COL4A4: variants seen among roughly 807,000 people sequenced by gnomAD.
The protein encoded by COL4A4 is collagen alpha-4(IV) chain.
COL4A4 carries 105 observed loss-of-function variants against 192.9 expected under a neutral mutation model. The observed-to-expected ratio is 0.54, with a 90% confidence interval of 0.46 to 0.64. The LOEUF (loss-of-function observed/expected upper bound fraction) is 0.64, where lower values mean the gene tolerates loss of function less well. Ranked by LOEUF, COL4A4 falls within the 30% of genes least tolerant of loss-of-function variation. The pLI is 0.00. For synonymous variants in COL4A4, 762 were observed against 769.9 expected, an observed-to-expected ratio of 0.99 and a Z score of 0.17; for missense variants, 1,967 against 2,169.3, an observed-to-expected ratio of 0.91 and a Z score of 1.85.
chr2:227,159,398 G>A (rs927910013), intron 1 of COL4A4, among the ~76,000 whole-genome samples: 2 of 152,188 alleles, frequency 1.3e-5, no homozygotes, highest in African/African-American at 2.4e-5. Flanking sequence ...GATGGGCAGT[G>A]GTGGTTTCAT....
chr2:227,105,999 T>C (rs150427975), intron 12 of COL4A4, among the ~76,000 whole-genome samples: 4 of 151,346 alleles, frequency 2.6e-5, no homozygotes, highest in African/African-American at 9.7e-5. Flanking sequence ...CTAAAACTAC[T>C]AATGCTTTTG....
intron 42 of COL4A4, among the ~76,000 whole-genome samples, chr2:227,026,875 G>A (rs560524279): frequency 1.3e-5 from 2 of 152,258 alleles, no homozygotes; most frequent in South Asian, 4.1e-4. Flanking sequence ...TTCAGGGATC[G>A]GAATTGAATA....
intron 31 of COL4A4, 75 bp from the exon 32 acceptor site, chr2:227,052,487 C>T: frequency 3.3e-6 from 3 of 910,626 alleles, no homozygotes; most frequent in Middle Eastern, 2.2e-4. Flanking sequence ...CTACATTTCA[C>T]TCCCAAATCG....
rs1030283291 is a variant in COL4A4, at chr2:227,041,918, G to GAA, written c.3505+228_3505+229dup. On this transcript the variant is annotated intron_variant, in intron 37 of 47. Coordinates refer to ENST00000396625, the MANE Select transcript of COL4A4 (RefSeq NM_000092.5). Reference sequence around the variant, plus strand: ...AGAAAGAAAGAAAGAAAGAAAGAAAGAAAGAAAATGGTAGCACTACCATTC... The same window carrying GAA: ...AGAAAGAAAGAAAGAAAGAAAGAAAGAAAAAGAAAATGGTAGCACTACCATTC... 3.9e-4 allele frequency among the ~76,000 whole-genome samples: 58 copies of GAA among 150,222 alleles called. 1 individual carries two copies. Among genetic ancestry groups the GAA allele is most frequent in the East Asian group, 1.9e-4 (1 of 5,130 alleles).
intron 47 of COL4A4, among the ~76,000 whole-genome samples, 199 bp downstream of exon 47, chr2:227,007,819 A>G (rs527689722): frequency 5.3e-4 from 80 of 152,342 alleles, no homozygotes; most frequent in African/African-American, 1.9e-3. Flanking sequence ...AATTCTACCA[A>G]TGTGATCAAA....
intron 1 of COL4A4, among the ~76,000 whole-genome samples, chr2:227,149,089 T>C (rs1380967069): frequency 6.6e-6 from 1 of 152,144 alleles, no homozygotes; most frequent in African/African-American, 2.4e-5. Context: ...CCTCAGGTGA[T>C]CAGCCTGCCT....
At chr2:226,979,461 A>G in the COL4A4 span, among the ~76,000 whole-genome samples, 1 of 152,092 alleles carries the variant, frequency 6.6e-6, no homozygotes, top group South Asian at 2.1e-4. Context: ...CCCCCTGCAA[A>G]TGGCTGGAAC....
chr2:227,101,181 A>G (rs1370331439), intron 17 of COL4A4, among the ~76,000 whole-genome samples: 1 of 152,074 alleles, frequency 6.6e-6, no homozygotes, highest in East Asian at 1.9e-4. Flanking sequence ...GTTTCCCTGT[A>G]CAAACTCTCT....
At chr2:227,002,153 G>A (rs1961125214), downstream of COL4A4, among the ~76,000 whole-genome samples, 1 of 126,256 alleles carries the variant, frequency 7.9e-6, no homozygotes, top group East Asian at 2.3e-4. Context: ...CTGGGCAACA[G>A]GCAAGACCCT....
In COL4A4 at chr2:227,147,475, A is replaced by G; in HGVS notation, c.9T>C (p.Ser3=). The G allele has an allele frequency of 1.9e-6, 3 of 1,613,728 alleles. No individual in the cohort carries two copies. Among genetic ancestry groups the G allele is most frequent in the Non-Finnish European group, 2.5e-6 (3 of 1,179,740 alleles). Residue 3 remains serine, a synonymous_variant, in exon 2 of 48, where the codon TCT becomes TCC. Transcript: ENST00000396625. MW[S]LHIVLMRCSF... Reference sequence around the variant, plus strand: ...AGCACCTCATTAGTACTATGTGCAGAGACCACATCGCAGGCAAGTCTTAGT... The same window carrying G: ...AGCACCTCATTAGTACTATGTGCAGGGACCACATCGCAGGCAAGTCTTAGT...
the COL4A4 span, among the ~76,000 whole-genome samples, chr2:226,973,299 G>A: frequency 6.6e-6 from 1 of 152,218 alleles, no homozygotes; most frequent in Non-Finnish European, 1.5e-5. Flanking sequence ...ATCAAGTTAA[G>A]GAAATCATTA....
At chr2:227,119,121 G>T (rs1361457613) in intron 6 of COL4A4, among the ~76,000 whole-genome samples, 1 of 151,242 alleles carries the variant, frequency 6.6e-6, no homozygotes, top group Non-Finnish European at 1.5e-5. Flanking sequence ...CAAATATTAG[G>T]ACTCATCAGC....
chr2:227,083,590 G>A (rs551757132), intron 22 of COL4A4, among the ~76,000 whole-genome samples: 34 of 152,212 alleles, frequency 2.2e-4, no homozygotes, highest in African/African-American at 7.9e-4. Flanking sequence ...AGAACTGCAG[G>A]TGCATGCCAC....
At chr2:227,017,839 GT>G (rs1328275604) in intron 44 of COL4A4, among the ~76,000 whole-genome samples, 2 of 152,110 alleles carry the variant, frequency 1.3e-5, no homozygotes, top group African/African-American at 4.8e-5. Context: ...TACGTGTGAA[GT>G]TTGTTACATA....
chr2:227,120,979 C>G (rs1038478805), intron 5 of COL4A4, 35 bp downstream of exon 5: 1 of 1,613,528 alleles, frequency 6.2e-7, no homozygotes. Flanking sequence ...GCTGGTGAGT[C>G]TTTCATGTGA....
Position 227,005,230 on chromosome 2 carries a change from C to T in COL4A4, c.*2095G>A, listed in dbSNP as rs902543376. The stretch of plus-strand genomic sequence containing the variant: ...TTTTTTTTTTTTACTTATTTATTAA[C>T]TTATGAAGATAATATTCTAATACCA... On this transcript the variant is annotated 3_prime_UTR_variant, in exon 48 of 48. Coordinates refer to ENST00000396625, the MANE Select transcript of COL4A4 (RefSeq NM_000092.5). 2.7e-5 allele frequency: 4 copies of T among 150,848 alleles called. No homozygotes were observed. The highest frequency in any genetic ancestry group is 2.1e-4 in the South Asian group (1 of 4,770). 9.3% of individuals were successfully genotyped at this position (150,848 alleles called of 1,614,324 possible). A position where few individuals can be genotyped will look rare whatever the true frequency, so the allele number is the denominator to read the frequency against.
At chr2:227,041,852 A>AAGAGAGAGAGAGAG (rs1412480175) in intron 37 of COL4A4, among the ~76,000 whole-genome samples, 25 of 71,378 alleles carry the variant, frequency 3.5e-4, no homozygotes, top group Non-Finnish European at 6.5e-4. Flanking sequence ...AAGAAAGAGA[A>AAGAGAGAGAGAGAG]AGAAAGAAAG....
chr2:226,986,989 A>G, the COL4A4 span, among the ~76,000 whole-genome samples: 2 of 152,260 alleles, frequency 1.3e-5, no homozygotes, highest in South Asian at 4.1e-4. Context: ...ATGGAATACT[A>G]TGCAGCCATA....
At chr2:226,985,270 G>T in the COL4A4 span, among the ~76,000 whole-genome samples, 3 of 152,238 alleles carry the variant, frequency 2.0e-5, no homozygotes, top group African/African-American at 7.2e-5. Context: ...ATCTCTCCCA[G>T]TGCCTTGTCA....
Sources: allele counts gnomAD v4.1 joint callset (sites outside exome capture counted in the v4.1 genomes callset), GRCh38; gene constraint gnomAD v4.1.1; transcripts MANE v1.5; gene names NCBI Gene and HGNC (gene_info 2026-07-23, HGNC 2026-07-21).